CUL4B: variants seen among roughly 807,000 people sequenced by gnomAD.
CUL4B encodes cullin-4B.
In CUL4B, 1 loss-of-function variant was observed where a neutral mutation model predicts 69.2. That is an observed-to-expected ratio of 0.01 (90% confidence interval 0.01 to 0.07). The LOEUF (loss-of-function observed/expected upper bound fraction) is 0.07, where lower values mean the gene tolerates loss of function less well. Among genes scored for constraint, CUL4B ranks in the 10% least tolerant of loss-of-function variants. The probability of loss-of-function intolerance (pLI) is 1.00; values close to 1 mark genes in which losing one functional copy is unlikely to be tolerated. For synonymous variants in CUL4B, 237 were observed against 223.2 expected (o/e 1.06, Z -0.55); for missense variants, 328 against 638.8 (o/e 0.51, Z 5.24).
chrX:120,558,753 T>A (rs954268035), intron 1 of CUL4B, among the ~76,000 whole-genome samples: 6 of 111,444 alleles, frequency 5.4e-5, no homozygotes, highest in Non-Finnish European at 9.4e-5. Context: ...TAGCAATGAG[T>A]GTGGGGAAAA....
At position 120,560,876 on chromosome X, in the gene CUL4B, G is replaced by C. The variant is rs1471725908; in HGVS notation, c.-238C>G. The C allele has an allele frequency of 1.3e-6, 1 of 750,685 alleles. No individual in the cohort carries two copies. The highest frequency in any genetic ancestry group is 1.6e-6 in the Non-Finnish European group (1 of 638,411). 61.9% of individuals were successfully genotyped at this position (750,685 alleles called of 1,213,427 possible). On this transcript the variant is annotated 5_prime_UTR_variant, in exon 1 of 20. Transcript: ENST00000371322. ...AACGAGGGGGGAGAGCGAATGAGGAGGCAGACAGGTAAACGGCCGTGCCGT... is the reference window on the plus strand; with the variant it reads ...AACGAGGGGGGAGAGCGAATGAGGACGCAGACAGGTAAACGGCCGTGCCGT...
At chrX:120,566,857 G>A (rs148517066), downstream of CUL4B, among the ~76,000 whole-genome samples, 31 of 111,385 alleles carry the variant, frequency 2.8e-4, no homozygotes, top group Middle Eastern at 0.014. Flanking sequence ...GTTAGAGATA[G>A]GCTGTTTTCC....
At chrX:120,535,477 C>T (rs756182291) in intron 16 of CUL4B, among the ~76,000 whole-genome samples, 7 of 109,752 alleles carry the variant, frequency 6.4e-5, no homozygotes, top group South Asian at 7.7e-4. Context: ...GGCCGAGGCG[C>T]GTGGATCACA....
intron 4 of CUL4B, among the ~76,000 whole-genome samples, 197 bp from the exon 5 acceptor site, chrX:120,545,714 T>C: frequency 9.0e-6 from 1 of 110,810 alleles, no homozygotes; most frequent in Non-Finnish European, 1.9e-5. Context: ...TTTTTGTGTT[T>C]TCTAGAAAAA....
chrX:120,556,449 G>A (rs1924972283), intron 2 of CUL4B, among the ~76,000 whole-genome samples: 1 of 111,627 alleles, frequency 9.0e-6, no homozygotes, highest in Admixed American at 9.6e-5. Context: ...GCCTGGAGGC[G>A]TTTTCCACAA....
downstream of CUL4B, among the ~76,000 whole-genome samples, chrX:120,570,026 A>G (rs965366567): frequency 1.8e-5 from 2 of 111,803 alleles, no homozygotes; most frequent in African/African-American, 6.5e-5. Flanking sequence ...TGAAGAGCTA[A>G]TGAAGGAAAT....
intron 2 of CUL4B, among the ~76,000 whole-genome samples, chrX:120,573,196 T>A (rs1195722470): frequency 8.9e-6 from 1 of 111,854 alleles, no homozygotes; most frequent in Admixed American, 9.6e-5. Flanking sequence ...TAGTATTTTT[T>A]AAAATGGCAT....
intron 2 of CUL4B, among the ~76,000 whole-genome samples, chrX:120,551,825 G>C (rs533904228): frequency 9.9e-5 from 11 of 111,381 alleles, no homozygotes; most frequent in Admixed American, 9.6e-4. Flanking sequence ...TCTCTTACTA[G>C]TACTAAGTGC....
intron 18 of CUL4B, 104 bp downstream of exon 18, chrX:120,532,318 T>C: frequency 3.2e-6 from 2 of 627,646 alleles, no homozygotes; most frequent in South Asian, 5.5e-5. Context: ...ACAAAAAATA[T>C]TAATGGTATT....
chrX:120,572,666 G>A (rs1367851942), intron 2 of CUL4B, among the ~76,000 whole-genome samples: 1 of 109,927 alleles, frequency 9.1e-6, no homozygotes, highest in Non-Finnish European at 1.9e-5. Context: ...TTTAAAAAAA[G>A]GATCACACAG....
chrX:120,566,405 G>GT (rs1470392495), upstream of CUL4B, among the ~76,000 whole-genome samples: 22 of 60,719 alleles, frequency 3.6e-4, no homozygotes, highest in African/African-American at 1.3e-3. Flanking sequence ...ATATATTTGG[G>GT]TTTTTTTTTG....
chrX:120,546,252 G>A (rs1366267925), intron 4 of CUL4B, among the ~76,000 whole-genome samples: 6 of 109,915 alleles, frequency 5.5e-5, no homozygotes, highest in Admixed American at 3.9e-4. Context: ...GGGGGGCGAG[G>A]GATAAAAGAC....
downstream of CUL4B, among the ~76,000 whole-genome samples, chrX:120,569,045 G>A (rs184979699): frequency 2.2e-4 from 25 of 111,885 alleles, no homozygotes. Flanking sequence ...TGCAGTTCAG[G>A]CCACCATCAA....
At chrX:120,545,423 A>G (rs1385458523) in intron 5 of CUL4B, 21 bp downstream of exon 5, 1 of 1,076,366 alleles carries the variant, frequency 9.3e-7, no homozygotes, top group Admixed American at 2.4e-5. Flanking sequence ...CAATCTTTTC[A>G]TATTTTTCTG....
In CUL4B at chrX:120,547,009, C is replaced by T; in HGVS notation, c.776+127G>A. On this transcript the variant is annotated intron_variant, in intron 3 of 19. Transcript: ENST00000371322. The stretch of plus-strand genomic sequence containing the variant: ...CAAAATGTGTTTCTTTCTCGAGAAA[C>T]ACAAGGCACAAAAAATGACAAACCT... The T allele has an allele frequency of 6.0e-6, 3 of 500,339 alleles. No homozygotes were observed. In the South Asian group the frequency reaches 8.6e-5, roughly 14 times the overall value. The allele number at this position is 500,339 out of a possible 1,213,427, so 41.2% of individuals were successfully genotyped here. A position where few individuals can be genotyped will look rare whatever the true frequency, so the allele number is the denominator to read the frequency against.
At chrX:120,534,346 C>A in intron 17 of CUL4B, 135 bp downstream of exon 17, 1 of 516,341 alleles carries the variant, frequency 1.9e-6, no homozygotes, top group Non-Finnish European at 3.4e-6. Flanking sequence ...CAGAGTGAGA[C>A]CCTGTCTCAT....
chrX:120,554,297 C>T (rs765830798), intron 2 of CUL4B, among the ~76,000 whole-genome samples: 13 of 111,773 alleles, frequency 1.2e-4, no homozygotes, highest in Non-Finnish European at 2.3e-4. Context: ...AGAAGTAACT[C>T]GCCCAAAGTT....
intron 19 of CUL4B, 94 bp downstream of exon 19, chrX:120,530,008 A>G: frequency 1.1e-6 from 1 of 935,901 alleles, no homozygotes; most frequent in South Asian, 2.0e-5. Context: ...CTAAATGGTC[A>G]TGACGCTTTA....
chrX:120,550,997 G>C (rs1372094138), intron 2 of CUL4B, among the ~76,000 whole-genome samples: 1 of 111,596 alleles, frequency 9.0e-6, no homozygotes. Context: ...CTAACTAGGG[G>C]ACTGGAGGAT....
Sources: allele counts gnomAD v4.1 joint callset (sites outside exome capture counted in the v4.1 genomes callset), GRCh38; gene constraint gnomAD v4.1.1; transcripts MANE v1.5; gene names NCBI Gene and HGNC (gene_info 2026-07-23, HGNC 2026-07-21).